MBP: variants seen among roughly 807,000 people sequenced by gnomAD.
MBP encodes Golli-MBP.
Under a neutral mutation model 35.8 loss-of-function variants are expected in MBP, and 16 were observed. The ratio of observed to expected loss-of-function variants is 0.45; its 90% CI spans 0.30 to 0.68. The LOEUF is 0.68. MBP is among the 30% of genes least tolerant of loss of function. MBP has a pLI of 0.08. For synonymous variants in MBP, 143 were observed against 159.6 expected (o/e 0.90, Z 0.78); for missense variants, 380 against 404.7 (o/e 0.94, Z 0.52).
chr18:77,110,375 CTT>C (rs1976408931), intron 1 of MBP: 1 of 152,160 alleles, frequency 6.6e-6, no homozygotes, highest in African/African-American at 2.4e-5. Context: ...GCCCTGAACT[CTT>C]TGCTTTCAGA....
intron 2 of MBP, among the ~76,000 whole-genome samples, chr18:77,072,328 C>G (rs1430442432): frequency 6.6e-6 from 1 of 152,200 alleles, no homozygotes; most frequent in African/African-American, 2.4e-5. Flanking sequence ...GCCATATTCC[C>G]TGCCGTAGAC....
In MBP at chr18:77,028,726, G is replaced by A. The variant is rs1340864602; in HGVS notation, c.140-11458C>T. ...CAGAGGCGCCCCTCACCTCCCGGAC[G>A]GGGCGGCTGGCCAGGCGGGGGGCTG... On this transcript the variant is annotated intron_variant, in intron 3 of 8. Transcript: ENST00000355994. Among the ~76,000 whole-genome samples, 2 of 99,208 alleles carry A rather than the reference G, an allele frequency of 2.0e-5. 1 individual carries two copies. Among genetic ancestry groups the A allele is most frequent in the Non-Finnish European group, 5.4e-5 (2 of 37,280 alleles). The allele number at this position is 99,208 out of a possible 152,430, so 65.1% of individuals were successfully genotyped here. A position where few individuals can be genotyped will look rare whatever the true frequency, so the allele number is the denominator to read the frequency against.
intron 3 of MBP, among the ~76,000 whole-genome samples, chr18:77,051,934 G>A (rs1272932865): frequency 6.6e-6 from 1 of 152,176 alleles, no homozygotes; most frequent in Non-Finnish European, 1.5e-5. Flanking sequence ...CCCAGCTCCT[G>A]AAGGATTCAT....
chr18:77,009,094 T>C (rs28509179), intron 4 of MBP, among the ~76,000 whole-genome samples: 1,884 of 152,258 alleles, frequency 0.012, 39 homozygotes, highest in African/African-American at 0.042. Context: ...GTGGCCTGGG[T>C]CTGGAGGGGG....
chr18:77,043,813 C>T (rs1475628836), intron 3 of MBP, among the ~76,000 whole-genome samples: 1 of 152,188 alleles, frequency 6.6e-6, no homozygotes, highest in Non-Finnish European at 1.5e-5. Context: ...GGAGCTGACA[C>T]ATCTCTATGG....
chr18:77,111,976 C>G (rs993136926), intron 1 of MBP, among the ~76,000 whole-genome samples: 1 of 152,188 alleles, frequency 6.6e-6, no homozygotes. Flanking sequence ...TGTCTCCTTT[C>G]TCTCTCCCCC....
chr18:77,089,217 G>A (rs1035244950), intron 2 of MBP, among the ~76,000 whole-genome samples: 6 of 152,226 alleles, frequency 3.9e-5, no homozygotes, highest in Non-Finnish European at 7.3e-5. Flanking sequence ...TGACCCCTGT[G>A]TGGCCCTGGC....
intron 2 of MBP, among the ~76,000 whole-genome samples, chr18:77,086,007 T>TGACA (rs1027339851): frequency 2.6e-5 from 4 of 151,224 alleles, no homozygotes; most frequent in South Asian, 2.1e-4. Context: ...AGAGAGAGAG[T>TGACA]GACAGACAGA....
chr18:77,000,502 A>T (rs1360674880), intron 4 of MBP, among the ~76,000 whole-genome samples: 1 of 152,246 alleles, frequency 6.6e-6, no homozygotes, highest in Non-Finnish European at 1.5e-5. Flanking sequence ...AGTTTTTAAA[A>T]TCACGGGAGG....
intron 2 of MBP, among the ~76,000 whole-genome samples, chr18:77,090,743 C>T (rs1975480260): frequency 6.6e-6 from 1 of 152,234 alleles, no homozygotes; most frequent in African/African-American, 2.4e-5. Flanking sequence ...AGTCCAGGCT[C>T]AGCGGCGGAC....
At chr18:76,986,335 G>A (rs1370136344) in intron 7 of MBP, 2 of 985,400 alleles carry the variant, frequency 2.0e-6, no homozygotes, top group Non-Finnish European at 1.2e-6. Context: ...TTTCATTAAA[G>A]TGTTTTAGGA....
intron 1 of MBP, among the ~76,000 whole-genome samples, chr18:77,130,393 A>T (rs1165560292): frequency 6.6e-6 from 1 of 151,562 alleles, no homozygotes; most frequent in African/African-American, 2.4e-5. Flanking sequence ...TGTTTCCTCA[A>T]CAGTAAAAAA....
chr18:77,031,569 T>C (rs565516314), intron 3 of MBP, among the ~76,000 whole-genome samples: 1 of 152,394 alleles, frequency 6.6e-6, no homozygotes, highest in Admixed American at 6.5e-5. Flanking sequence ...TGGACACAAT[T>C]TCCAGGGTAC....
chr18:77,016,616 C>G, intron 4 of MBP: 1 of 1,409,568 alleles, frequency 7.1e-7, no homozygotes, highest in South Asian at 1.6e-5. Context: ...GGCCACCATC[C>G]CTTGTGAGGA....
intron 1 of MBP, chr18:77,114,364 C>T (rs1283054883): frequency 6.6e-6 from 1 of 152,232 alleles, no homozygotes; most frequent in African/African-American, 2.4e-5. Context: ...CAGCAAATTA[C>T]TGGCCCCAGA....
chr18:77,019,833 G>A (rs186963687), intron 3 of MBP, among the ~76,000 whole-genome samples: 6 of 152,302 alleles, frequency 3.9e-5, no homozygotes, highest in African/African-American at 7.2e-5. Context: ...AAGCCTGCGC[G>A]GAATCGGCTC....
rs1330781527 is a variant in MBP at position 77,086,461 on chromosome 18, T to G, written c.51+18750A>C. 3.3e-5 allele frequency among the ~76,000 whole-genome samples: 5 copies of G among 152,322 alleles called. No individual in the cohort carries two copies. The South Asian group carries it at 8.3e-4, about 25-fold the overall frequency. On this transcript the variant is annotated intron_variant, in intron 2 of 8. Coordinates refer to ENST00000355994, the MANE Select transcript of MBP (RefSeq NM_001025101.2). Reference sequence around the variant, plus strand: ...TCAGGCCACAGATGTTCTCTAGCCTTGTAGTGGGTAATCAAATCAAGTTAG... The same window carrying G: ...TCAGGCCACAGATGTTCTCTAGCCTGGTAGTGGGTAATCAAATCAAGTTAG...
intron 4 of MBP, chr18:77,010,177 C>A: frequency 1.9e-6 from 1 of 529,156 alleles, no homozygotes; most frequent in African/African-American, 1.9e-5. Flanking sequence ...CTCAGGAAAT[C>A]GAGAGCAAAA....
At chr18:77,067,320 T>G (rs564304105) in intron 2 of MBP, among the ~76,000 whole-genome samples, 1 of 152,314 alleles carries the variant, frequency 6.6e-6, no homozygotes, top group African/African-American at 2.4e-5. Flanking sequence ...CCCTCCTTTC[T>G]GTCTTCACAT....
Sources: gnomAD v4.1 joint callset for allele counts (sites outside exome capture counted in the v4.1 genomes callset) on GRCh38, gnomAD v4.1.1 for gene constraint, MANE v1.5 for transcripts, NCBI Gene and HGNC (gene_info 2026-07-23, HGNC 2026-07-21) for gene names.